PLPPR5: variants seen among roughly 807,000 people sequenced by gnomAD.
The protein encoded by PLPPR5 is phospholipid phosphatase-related protein type 5.
In PLPPR5, 16 loss-of-function variants were observed where a neutral mutation model predicts 33.9. The observed-to-expected ratio is 0.47, with a 90% CI of 0.32 to 0.72. The LOEUF (loss-of-function observed/expected upper bound fraction) is 0.72. Ranked by LOEUF, PLPPR5 falls within the 30% of genes least tolerant of loss-of-function variation. The probability of loss-of-function intolerance (pLI) is 0.03; values close to 1 mark genes in which losing one functional copy is unlikely to be tolerated. For synonymous variants in PLPPR5, 163 were observed against 150.3 expected, an observed-to-expected ratio of 1.08 and a Z score of -0.62; for missense variants, 301 against 406.7, an observed-to-expected ratio of 0.74 and a Z score of 2.23.
At chr1:98,899,586 T>C (rs540417695) in intron 5 of PLPPR5, among the ~76,000 whole-genome samples, 1 of 152,174 alleles carries the variant, frequency 6.6e-6, no homozygotes, top group Admixed American at 6.5e-5. Flanking sequence ...GCACATTATA[T>C]GTCATGCTTA....
intron 5 of PLPPR5, among the ~76,000 whole-genome samples, chr1:98,911,245 G>A (rs1176661562): frequency 1.3e-5 from 2 of 152,050 alleles, no homozygotes; most frequent in South Asian, 2.1e-4. Flanking sequence ...AGCTCAGCAG[G>A]GTGTGGTGCC....
chr1:98,992,932 C>T (rs1170114744), intron 1 of PLPPR5, among the ~76,000 whole-genome samples: 1 of 152,040 alleles, frequency 6.6e-6, no homozygotes, highest in Non-Finnish European at 1.5e-5. Context: ...ACCATTCTGT[C>T]GAGGTATGTC....
At chr1:98,987,828 T>C (rs867133029) in intron 1 of PLPPR5, among the ~76,000 whole-genome samples, 1 of 152,014 alleles carries the variant, frequency 6.6e-6, no homozygotes, top group Non-Finnish European at 1.5e-5. Context: ...ACATTGCTGA[T>C]TCTTTTGATT....
chr1:98,969,235 A>T (rs1651564610), intron 1 of PLPPR5, among the ~76,000 whole-genome samples: 2 of 152,074 alleles, frequency 1.3e-5, no homozygotes, highest in Admixed American at 6.6e-5. Context: ...TTTAGGAAAG[A>T]TAGTCTAGTG....
chr1:98,923,001 AC>A (rs368023925), intron 3 of PLPPR5, among the ~76,000 whole-genome samples: 2 of 148,946 alleles, frequency 1.3e-5, no homozygotes, highest in African/African-American at 2.6e-5. Flanking sequence ...AACAACAACA[AC>A]AAAAAAAAAC....
chr1:98,934,899 T>G (rs896359527), intron 3 of PLPPR5, among the ~76,000 whole-genome samples: 2 of 152,066 alleles, frequency 1.3e-5, no homozygotes, highest in East Asian at 3.9e-4. Context: ...GTATAAACAT[T>G]AAGTCTGTGA....
At chr1:99,003,238 T>C (rs1451088985) in intron 1 of PLPPR5, among the ~76,000 whole-genome samples, 1 of 151,540 alleles carries the variant, frequency 6.6e-6, no homozygotes, top group Non-Finnish European at 1.5e-5. Flanking sequence ...GATTTCTATC[T>C]TATGTGTTAG....
chr1:98,998,515 C>T (rs184942456), intron 1 of PLPPR5, among the ~76,000 whole-genome samples: 227 of 152,214 alleles, frequency 1.5e-3, no homozygotes, highest in Non-Finnish European at 2.2e-3. Context: ...TCATCATCTA[C>T]GATAGAACAC....
chr1:98,969,047 T>C (rs543116023), intron 1 of PLPPR5, among the ~76,000 whole-genome samples: 236 of 152,236 alleles, frequency 1.6e-3, no homozygotes, highest in Middle Eastern at 6.8e-3. Context: ...ACCAAAAGCA[T>C]GACAATCTGT....
intron 1 of PLPPR5, among the ~76,000 whole-genome samples, chr1:98,963,403 T>C (rs1167319810): frequency 2.0e-5 from 3 of 152,194 alleles, no homozygotes; most frequent in African/African-American, 7.2e-5. Flanking sequence ...TTGCATAACA[T>C]TTATCTTTAA....
rs527669021 is a variant in PLPPR5 at position 98,943,700 on chromosome 1, T to C, written c.621+9370A>G. ...TAAATAAAAAATACTACTACATTATTGAAGGGAGGATAGTGAAGATTTAAT... is the reference window on the plus strand; with the variant it reads ...TAAATAAAAAATACTACTACATTATCGAAGGGAGGATAGTGAAGATTTAAT... On this transcript the variant is annotated intron_variant, in intron 3 of 5. Coordinates refer to ENST00000263177, the MANE Select transcript of PLPPR5 (RefSeq NM_001037317.2). Among the ~76,000 whole-genome samples the C allele has an allele frequency of 6.6e-5, 10 of 152,314 alleles. No individual in the cohort carries two copies. The South Asian group carries it at 2.1e-3, about 32-fold the overall frequency.
At position 98,914,893 on chromosome 1, in the gene PLPPR5, C is replaced by T. The variant is rs1649287648; in HGVS notation, c.826G>A (p.Gly276Arg). 6.2e-7 allele frequency: 1 copy of T among 1,611,846 alleles called. No individual in the cohort carries two copies. Among genetic ancestry groups the T allele is most frequent in the African/African-American group, 1.3e-5 (1 of 74,836 alleles). The change falls in exon 5 of 6, where the codon GGG (glycine) becomes AGG (arginine). Residue 276 changes from glycine to arginine, a missense_variant. By Grantham distance (125) the Gly-to-Arg change is moderately radical. Coordinates refer to ENST00000263177, the MANE Select transcript of PLPPR5 (RefSeq NM_001037317.2). ...LVVCVVNNFK[G>R]RQAENEHIHM... ...ATATGCTCATTTTCTGCTTGTCTCC[C>T]TTTGAAATTATTCACCACGCACACA...
Position 98,892,883 on chromosome 1 carries a change from A to G in PLPPR5, c.*189T>C, listed in dbSNP as rs1007222722. The G allele has an allele frequency of 1.7e-6, 1 of 578,752 alleles. No homozygotes were observed. The highest frequency in any genetic ancestry group is 3.7e-5 in the Admixed American group (1 of 26,694). 35.9% of individuals were successfully genotyped at this position (578,752 alleles called of 1,614,324 possible). A position where few individuals can be genotyped will look rare whatever the true frequency, so the allele number is the denominator to read the frequency against. On this transcript the variant is annotated 3_prime_UTR_variant, in exon 6 of 6. Coordinates refer to ENST00000263177, the MANE Select transcript of PLPPR5 (RefSeq NM_001037317.2). ...AAGTGCTGGGGACACAGAAAAAAAA[A>G]GACAATCCTGCCCTCGAGGAGCTCA...
chr1:98,970,539 A>T (rs192175059), intron 1 of PLPPR5, among the ~76,000 whole-genome samples: 2 of 151,898 alleles, frequency 1.3e-5, no homozygotes, highest in African/African-American at 2.4e-5. Context: ...ATATAAATTC[A>T]TAAATATATT....
chr1:98,998,571 T>C (rs1356322087), intron 1 of PLPPR5, among the ~76,000 whole-genome samples: 2 of 152,064 alleles, frequency 1.3e-5, no homozygotes, highest in Non-Finnish European at 2.9e-5. Flanking sequence ...GGATAAAAGG[T>C]TTGAGAAAAT....
chr1:98,893,455 C>A (rs1434339267), intron 5 of PLPPR5, among the ~76,000 whole-genome samples: 1 of 151,862 alleles, frequency 6.6e-6, no homozygotes, highest in Non-Finnish European at 1.5e-5. Flanking sequence ...TAATTGCTCC[C>A]TGAGAGACAG....
chr1:98,981,713 C>T (rs1292517603), intron 1 of PLPPR5, among the ~76,000 whole-genome samples: 2 of 152,026 alleles, frequency 1.3e-5, no homozygotes, highest in African/African-American at 4.8e-5. Context: ...TGAATACTAA[C>T]TTAAGCATGC....
At chr1:98,941,167 C>T (rs758656950) in intron 3 of PLPPR5, among the ~76,000 whole-genome samples, 1 of 151,716 alleles carries the variant, frequency 6.6e-6, no homozygotes, top group Non-Finnish European at 1.5e-5. Context: ...AACAGAAACT[C>T]GGTAATTGCT....
rs147660049 is a variant in PLPPR5 at position 98,975,457 on chromosome 1, C to T, written c.238-18716G>A. On this transcript the variant is annotated intron_variant, in intron 1 of 5. Coordinates refer to ENST00000263177, the MANE Select transcript of PLPPR5 (RefSeq NM_001037317.2). ...AGGGAGAAGCACTGATCCATGCATA[C>T]AGATGAAGCCTTTTGAGGTTTCAGC... Among the ~76,000 whole-genome samples the T allele has an allele frequency of 2.0e-5, 3 of 152,166 alleles. No individual in the cohort carries two copies. The East Asian group carries it at 5.8e-4, about 29-fold the overall frequency.
Sources: allele counts gnomAD v4.1 joint callset (sites outside exome capture counted in the v4.1 genomes callset), GRCh38; gene constraint gnomAD v4.1.1; transcripts MANE v1.5; gene names NCBI Gene and HGNC (gene_info 2026-07-23, HGNC 2026-07-21).